The following RAB7A variants were observed in gnomAD, a reference collection of about 807,000 sequenced individuals.
The protein encoded by RAB7A is RAB7A, member RAS oncogene family, also known as ras-related protein Rab-7a.
Under a neutral mutation model 24.5 loss-of-function variants are expected in RAB7A, and 2 were observed. That is an observed-to-expected ratio of 0.08 (90% CI 0.03 to 0.26). RAB7A has a LOEUF of 0.26. Among genes scored for constraint, RAB7A ranks in the 10% least tolerant of loss-of-function variants. RAB7A has a pLI of 1.00. For synonymous variants in RAB7A, 100 were observed against 95.9 expected (o/e 1.04, Z -0.25); for missense variants, 118 against 255.7 (o/e 0.46, Z 3.67).
At chr3:128,795,751 CTTTTTTT>C (rs71153147) in intron 2 of RAB7A, among the ~76,000 whole-genome samples, 2 of 43,034 alleles carry the variant, frequency 4.6e-5, no homozygotes, top group South Asian at 4.3e-3. Flanking sequence ...AGCAGATGTG[CTTTTTTT>C]TTTTTTTTTT....
intron 1 of RAB7A, among the ~76,000 whole-genome samples, chr3:128,778,156 T>G (rs1933137176): frequency 6.6e-6 from 1 of 152,206 alleles, no homozygotes; most frequent in African/African-American, 2.4e-5. Flanking sequence ...TTAGAATTGT[T>G]TAGACCAACA....
In RAB7A at chr3:128,806,485, C is replaced by G. The variant is rs935549352; in HGVS notation, c.294C>G (p.Thr98=). 6.2e-7 allele frequency: 1 copy of G among 1,613,982 alleles called. No individual in the cohort carries two copies. Among genetic ancestry groups the G allele is most frequent in the South Asian group, 1.1e-5 (1 of 91,050 alleles). Reference sequence around the variant, plus strand: ...TGACTGCCCCCAACACATTCAAAACCCTAGATAGCTGGAGAGATGAGTTTC... The same window carrying G: ...TGACTGCCCCCAACACATTCAAAACGCTAGATAGCTGGAGAGATGAGTTTC... ...FDVTAPNTFK[T]LDSWRDEFLI... The change falls in exon 4 of 6, where the codon ACC becomes ACG. Residue 98 remains threonine (T), a synonymous_variant. Coordinates refer to ENST00000265062, the MANE Select transcript of RAB7A (RefSeq NM_004637.6).
At position 128,773,947 on chromosome 3, in the gene RAB7A, A is replaced by AGGCC. The variant is rs1933017289; in HGVS notation, c.-8-21412_-8-21409dup. Among the ~76,000 whole-genome samples the AGGCC allele has an allele frequency of 2.6e-5, 4 of 151,676 alleles. No homozygotes were observed. The South Asian group carries it at 8.3e-4, about 31-fold the overall frequency. On this transcript the variant is annotated intron_variant, in intron 1 of 5. Coordinates refer to ENST00000265062, the MANE Select transcript of RAB7A (RefSeq NM_004637.6). Reference sequence around the variant, plus strand: ...TACCCAGGGACACAAACACTGCGGAAGGCCTCAGGGTCCTCTGCCTAGGAA... The same window carrying AGGCC: ...TACCCAGGGACACAAACACTGCGGAAGGCCGGCCTCAGGGTCCTCTGCCTAGGAA...
At position 128,806,397 on chromosome 3, in the gene RAB7A, G is replaced by A; in HGVS notation, c.206G>A (p.Arg69Gln). 1.2e-6 allele frequency: 2 copies of A among 1,613,550 alleles called. No individual in the cohort carries two copies. The highest frequency in any genetic ancestry group is 1.7e-6 in the Non-Finnish European group (2 of 1,179,644). ...ATATGGGACACAGCAGGACAGGAACGGTTCCAGTCTCTCGGTGTGGCCTTC... is the reference window on the plus strand; with the variant it reads ...ATATGGGACACAGCAGGACAGGAACAGTTCCAGTCTCTCGGTGTGGCCTTC... ...MQIWDTAGQE[R>Q]FQSLGVAFYR... Residue 69 changes from arginine to glutamine, a missense_variant, in exon 4 of 6, where the codon CGG becomes CAG. Coordinates refer to ENST00000265062, the MANE Select transcript of RAB7A (RefSeq NM_004637.6).
chr3:128,743,651 C>T (rs2070578836), intron 1 of RAB7A, among the ~76,000 whole-genome samples: 1 of 152,192 alleles, frequency 6.6e-6, no homozygotes, highest in Admixed American at 6.5e-5. Context: ...AATACAGTCT[C>T]TGAACAAAAT....
intron 1 of RAB7A, among the ~76,000 whole-genome samples, chr3:128,728,432 G>C (rs147963631): frequency 1.3e-5 from 2 of 152,238 alleles, no homozygotes; most frequent in East Asian, 3.9e-4. Flanking sequence ...CACTCAACTT[G>C]TTTCTCCTTT....
intron 1 of RAB7A, chr3:128,765,168 C>G: frequency 1.4e-6 from 1 of 697,132 alleles, no homozygotes; most frequent in Non-Finnish European, 2.6e-6. Context: ...GGGTTCCGTC[C>G]AAGCACTGTT....
At chr3:128,795,751 C>CTTTTTTTTTTTGTTTTTTTTTT (rs1933556018) in intron 2 of RAB7A, among the ~76,000 whole-genome samples, 3 of 43,032 alleles carry the variant, frequency 7.0e-5, no homozygotes, top group Non-Finnish European at 9.4e-5. Context: ...AGCAGATGTG[C>CTTTTTTTTTTTGTTTTTTTTTT]TTTTTTTTTT....
chr3:128,739,586 A>G (rs1420230356), intron 1 of RAB7A, among the ~76,000 whole-genome samples: 1 of 152,168 alleles, frequency 6.6e-6, no homozygotes, highest in Non-Finnish European at 1.5e-5. Context: ...ATAATTCAAA[A>G]CGTTTATTTT....
At chr3:128,763,025 C>T (rs899938907) in intron 1 of RAB7A, among the ~76,000 whole-genome samples, 3 of 151,764 alleles carry the variant, frequency 2.0e-5, no homozygotes, top group South Asian at 4.2e-4. Flanking sequence ...TTCCCTTTTT[C>T]TGTCATTATC....
At chr3:128,802,000 C>T (rs560845518) in intron 3 of RAB7A, among the ~76,000 whole-genome samples, 5 of 152,298 alleles carry the variant, frequency 3.3e-5, no homozygotes, top group African/African-American at 9.6e-5. Flanking sequence ...AGATGGGCAG[C>T]ACAGTGTTCT....
chr3:128,800,575 T>C (rs1933677267), intron 3 of RAB7A, among the ~76,000 whole-genome samples: 1 of 152,064 alleles, frequency 6.6e-6, no homozygotes, highest in African/African-American at 2.4e-5. Context: ...AAAAGAATTC[T>C]GTGTAAGTCA....
Position 128,798,078 on chromosome 3 carries a change from A to G in RAB7A, c.180+9A>G, listed in dbSNP as rs762831187. ...GGCTAGTCACAATGCAGGTAAGCAC[A>G]TGTCTTGGCTGTGCTGACCAGGCCT... On this transcript the variant is annotated intron_variant, in intron 3 of 5. Coordinates refer to ENST00000265062, the MANE Select transcript of RAB7A (RefSeq NM_004637.6). 43 of 1,613,756 alleles carry G rather than the reference A, an allele frequency of 2.7e-5. No homozygotes were observed. The highest frequency in any genetic ancestry group is 5.0e-5 in the Admixed American group (3 of 60,002).
At chr3:128,743,282 C>T (rs1487807365) in intron 1 of RAB7A, among the ~76,000 whole-genome samples, 1 of 152,220 alleles carries the variant, frequency 6.6e-6, no homozygotes, top group Non-Finnish European at 1.5e-5. Context: ...GCGCGCAGCC[C>T]CAGTTTCCCG....
At chr3:128,739,802 G>A (rs2070531354) in intron 1 of RAB7A, among the ~76,000 whole-genome samples, 1 of 152,204 alleles carries the variant, frequency 6.6e-6, no homozygotes, top group Non-Finnish European at 1.5e-5. Context: ...GGGCGCAGTG[G>A]TTCACGCCTG....
At chr3:128,730,802 A>C (rs1216652227) in intron 1 of RAB7A, among the ~76,000 whole-genome samples, 1 of 152,118 alleles carries the variant, frequency 6.6e-6, no homozygotes, top group African/African-American at 2.4e-5. Context: ...GCAGTACTTA[A>C]CTCATGGGGC....
intron 4 of RAB7A, 41 bp from the exon 5 acceptor site, chr3:128,807,502 C>A (rs747989563): frequency 1.7e-5 from 27 of 1,612,818 alleles, no homozygotes; most frequent in African/African-American, 2.7e-5. Flanking sequence ...GTGCTGGCTG[C>A]TTCTGTCATG....
intron 2 of RAB7A, among the ~76,000 whole-genome samples, chr3:128,797,201 C>G (rs1933595561): frequency 6.6e-6 from 1 of 152,234 alleles, no homozygotes; most frequent in Non-Finnish European, 1.5e-5. Context: ...TTGGAAAACA[C>G]TGCCTTCGGC....
intron 1 of RAB7A, among the ~76,000 whole-genome samples, chr3:128,776,610 C>A (rs956023209): frequency 6.6e-6 from 1 of 152,166 alleles, no homozygotes; most frequent in South Asian, 2.1e-4. Context: ...ATCCATTCGT[C>A]CATGGATGGA....
Sources: allele counts gnomAD v4.1 joint callset (sites outside exome capture counted in the v4.1 genomes callset), GRCh38; gene constraint gnomAD v4.1.1; transcripts MANE v1.5; gene names NCBI Gene and HGNC (gene_info 2026-07-23, HGNC 2026-07-21).